EXT1: variants seen among roughly 807,000 people sequenced by gnomAD.
The protein encoded by EXT1 is exostosin-1.
EXT1 carries 20 observed loss-of-function variants against 82.5 expected under a neutral mutation model. The observed-to-expected ratio is 0.24, with a 90% CI of 0.17 to 0.35. The LOEUF (loss-of-function observed/expected upper bound fraction) is 0.35. Among genes scored for constraint, EXT1 ranks in the 10% least tolerant of loss-of-function variants. The pLI is 1.00. For synonymous variants in EXT1, 348 were observed against 350.8 expected, an observed-to-expected ratio of 0.99 and a Z score of 0.09; for missense variants, 757 against 936.5, an observed-to-expected ratio of 0.81 and a Z score of 2.50.
chr8:117,902,406 T>A (rs1029172535), intron 1 of EXT1, among the ~76,000 whole-genome samples: 1 of 152,208 alleles, frequency 6.6e-6, no homozygotes, highest in African/African-American at 2.4e-5. Context: ...TTCATAAAAC[T>A]GGCAATACAG....
chr8:118,049,959 A>G (rs1434455243), intron 1 of EXT1, among the ~76,000 whole-genome samples: 1 of 152,136 alleles, frequency 6.6e-6, no homozygotes, highest in Non-Finnish European at 1.5e-5. Context: ...ACTCTCATGG[A>G]GCAATTTCTC....
chr8:118,008,283 G>C (rs1044102483), intron 1 of EXT1, among the ~76,000 whole-genome samples: 17 of 151,744 alleles, frequency 1.1e-4, no homozygotes, highest in African/African-American at 3.6e-4. Context: ...ATTTGAGACA[G>C]AGTTTTGCTC....
intron 1 of EXT1, among the ~76,000 whole-genome samples, chr8:117,873,790 A>T (rs1347348084): frequency 6.6e-6 from 1 of 152,156 alleles, no homozygotes; most frequent in Non-Finnish European, 1.5e-5. Context: ...TGACATCTAA[A>T]GATATGCATC....
At chr8:117,914,638 G>T (rs1201072347) in intron 1 of EXT1, among the ~76,000 whole-genome samples, 1 of 152,128 alleles carries the variant, frequency 6.6e-6, no homozygotes, top group East Asian at 1.9e-4. Flanking sequence ...GCCGCTCTGG[G>T]AATGTCTATC....
intron 4 of EXT1, among the ~76,000 whole-genome samples, chr8:117,829,109 G>A (rs1812054416): frequency 6.6e-6 from 1 of 152,090 alleles, no homozygotes; most frequent in South Asian, 2.1e-4. Context: ...ACCTCATTTT[G>A]GGACACCTCA....
chr8:117,809,072 T>C (rs1338898676), intron 8 of EXT1, among the ~76,000 whole-genome samples: 2 of 151,830 alleles, frequency 1.3e-5, no homozygotes, highest in African/African-American at 2.4e-5. Flanking sequence ...CCTGGGTCTG[T>C]AGCCTGCAGA....
intron 2 of EXT1, among the ~76,000 whole-genome samples, chr8:117,836,778 TACCACGAATAAAGGGAAAGTGTAGG>T (rs66672703): frequency 0.034 from 5,207 of 152,086 alleles, 130 homozygotes; most frequent in Middle Eastern, 0.072. Context: ...TTTTAGAGAG[TACCACGAATAAAGGGAAAGTGTAGG>T]GCTGCTTTTT....
rs373440377 is a variant in EXT1 at position 117,981,982 on chromosome 8, T to A, written c.962+128103A>T. The stretch of plus-strand genomic sequence containing the variant: ...ATTTCATTTTTTACAGTTTAGATTT[T>A]TTTTCCAGATTTTGTCAGAATGAGA... On this transcript the variant is annotated intron_variant, in intron 1 of 10. Transcript: ENST00000378204. 4.6e-5 allele frequency among the ~76,000 whole-genome samples: 7 copies of A among 152,346 alleles called. No individual in the cohort carries two copies. In the East Asian group the frequency reaches 1.2e-3, roughly 25 times the overall value.
chr8:117,888,204 C>A lies in EXT1; in HGVS notation c.963-51003G>T, dbSNP rs192945032. On this transcript the variant is annotated intron_variant, in intron 1 of 10. Transcript: ENST00000378204. ...AGTCTGCAGACTTGCAGAACCCAGACAAACATGCAGTTCATAGAAATACAC... is the reference window on the plus strand; with the variant it reads ...AGTCTGCAGACTTGCAGAACCCAGAAAAACATGCAGTTCATAGAAATACAC... Among the ~76,000 whole-genome samples, 218 of 151,060 alleles carry A rather than the reference C, an allele frequency of 1.4e-3. 1 individual carries two copies. The highest frequency in any genetic ancestry group is 2.5e-3 in the Admixed American group (38 of 15,242).
chr8:117,874,309 T>C (rs1563587439), intron 1 of EXT1, among the ~76,000 whole-genome samples: 4 of 152,188 alleles, frequency 2.6e-5, no homozygotes, highest in Non-Finnish European at 4.4e-5. Context: ...TGGCCGGACG[T>C]GGTAGCTACA....
intron 10 of EXT1, among the ~76,000 whole-genome samples, chr8:117,801,571 T>C (rs1823167351): frequency 6.6e-6 from 1 of 152,108 alleles, no homozygotes; most frequent in Non-Finnish European, 1.5e-5. Flanking sequence ...GGTGGCATGA[T>C]CTTGGCTCAC....
chr8:117,860,453 C>T (rs1464725250), intron 1 of EXT1, among the ~76,000 whole-genome samples: 2 of 152,182 alleles, frequency 1.3e-5, no homozygotes, highest in Non-Finnish European at 2.9e-5. Context: ...GCCTTCGCCA[C>T]TATGCAGTAT....
At chr8:117,813,717 T>C (rs976951650) in intron 7 of EXT1, among the ~76,000 whole-genome samples, 6 of 151,996 alleles carry the variant, frequency 3.9e-5, no homozygotes, top group African/African-American at 1.4e-4. Context: ...TTTAAAGAAA[T>C]ATATTAGGCC....
intron 1 of EXT1, among the ~76,000 whole-genome samples, chr8:117,874,583 A>AAAAAAAAAAAAAAAAAAAAAAAAAAC: frequency 6.6e-6 from 1 of 150,574 alleles, no homozygotes; most frequent in Non-Finnish European, 1.5e-5. Flanking sequence ...CTCAAAAAAA[A>AAAAAAAAAAAAAAAAAAAAAAAAAAC]AAAAAAAAAA....
At chr8:117,806,905 T>C (rs1261554125) in intron 9 of EXT1, among the ~76,000 whole-genome samples, 2 of 152,246 alleles carry the variant, frequency 1.3e-5, no homozygotes, top group East Asian at 1.9e-4. Flanking sequence ...ACAGTGCCCT[T>C]GGGTGCTGAC....
intron 1 of EXT1, among the ~76,000 whole-genome samples, chr8:117,870,297 T>C (rs959221213): frequency 2.6e-5 from 4 of 152,326 alleles, no homozygotes; most frequent in South Asian, 2.1e-4. Context: ...CACCAATAAC[T>C]TTCCTCTGTG....
chr8:117,819,615 G>C (rs1046274167), intron 6 of EXT1, 61 bp downstream of exon 6: 1 of 1,410,836 alleles, frequency 7.1e-7, no homozygotes, highest in Non-Finnish European at 1.0e-6. Flanking sequence ...AGGTAAGGAG[G>C]GCGGAGTCTC....
chr8:117,804,714 A>G lies in EXT1; in HGVS notation c.2055+8T>C, dbSNP rs777195256. ...TGAAGCAAGGGAAGAGGGCTCTTCTATACTTACCTGTCCCATCATTGTCTC... is the reference window on the plus strand; with the variant it reads ...TGAAGCAAGGGAAGAGGGCTCTTCTGTACTTACCTGTCCCATCATTGTCTC... On this transcript the variant is annotated splice_region_variant and intron_variant, in intron 10 of 10. Coordinates refer to ENST00000378204, the MANE Select transcript of EXT1 (RefSeq NM_000127.3). 4 of 1,613,992 alleles carry G rather than the reference A, an allele frequency of 2.5e-6. No homozygotes were observed. Among genetic ancestry groups the G allele is most frequent in the South Asian group, 1.1e-5 (1 of 91,072 alleles).
At chr8:117,986,644 A>G (rs1358158701) in intron 1 of EXT1, among the ~76,000 whole-genome samples, 1 of 152,166 alleles carries the variant, frequency 6.6e-6, no homozygotes, top group Non-Finnish European at 1.5e-5. Context: ...CAAATTAACA[A>G]TGAGATTTAA....
Sources: allele counts gnomAD v4.1 joint callset (sites outside exome capture counted in the v4.1 genomes callset), GRCh38; gene constraint gnomAD v4.1.1; transcripts MANE v1.5; gene names NCBI Gene and HGNC (gene_info 2026-07-23, HGNC 2026-07-21).